The following ZNF396 variants were observed in gnomAD, a reference collection of about 807,000 sequenced individuals.
ZNF396 encodes the protein zinc finger protein 396, also known as zinc finger and SCAN domain-containing protein 14.
A neutral mutation model predicts 20.5 loss-of-function variants in ZNF396; 14 were observed. The ratio of observed to expected loss-of-function variants is 0.68; its 90% CI spans 0.45 to 1.07. The LOEUF (loss-of-function observed/expected upper bound fraction) is 1.07, where lower values mean the gene tolerates loss of function less well. Ranked by LOEUF, ZNF396 falls within the 50% of genes least tolerant of loss-of-function variation. ZNF396 has a pLI of 0.00. For synonymous variants in ZNF396, 119 were observed against 140.6 expected (o/e 0.85, Z 1.08); for missense variants, 347 against 390.1 (o/e 0.89, Z 0.93).
Position 35,373,500 on chromosome 18 carries a change from T to C in ZNF396, c.518A>G (p.Gln173Arg), listed in dbSNP as rs1043444688. 2 of 1,614,190 alleles carry C rather than the reference T, an allele frequency of 1.2e-6. No homozygotes were observed. Among genetic ancestry groups the C allele is most frequent in the Non-Finnish European group, 1.7e-6 (2 of 1,180,040 alleles). ...PSSQLMPVKK[Q>R]LQGASWELQS... ...AAGCTCCCATGATGCTCCCTGGAGCTGCTTCTTCACGGGCATGAGCTGGCT... is the reference window on the plus strand; with the variant it reads ...AAGCTCCCATGATGCTCCCTGGAGCCGCTTCTTCACGGGCATGAGCTGGCT... The change falls in exon 3 of 4, where the codon CAG becomes CGG. Residue 173 changes from glutamine to arginine, a missense_variant. Coordinates refer to ENST00000589332, the MANE Select transcript of ZNF396 (RefSeq NM_001322286.2).
intron 1 of ZNF396, among the ~76,000 whole-genome samples, chr18:35,375,208 T>A (rs542469894): frequency 4.2e-5 from 6 of 144,048 alleles, no homozygotes. Context: ...GAAGCCGAGG[T>A]GGGAGATGGG....
rs891855619 is a variant in ZNF396 at position 35,367,406 on chromosome 18, A to C, written c.*1809T>G. On this transcript the variant is annotated 3_prime_UTR_variant, in exon 4 of 4. Transcript: ENST00000589332. ...TAAGATATGGTTGGATTTTCTGAGA[A>C]TGAAATGTTTTATACTTTATGAGGA... is the stretch of plus-strand genomic sequence containing the variant. 2.0e-5 allele frequency: 3 copies of C among 152,184 alleles called. No individual in the cohort carries two copies. Among genetic ancestry groups the C allele is most frequent in the Non-Finnish European group, 4.4e-5 (3 of 68,012 alleles). The allele number at this position is 152,184 out of a possible 1,614,324, so 9.4% of individuals were successfully genotyped here. A position where few individuals can be genotyped will look rare whatever the true frequency, so the allele number is the denominator to read the frequency against.
rs774488647 is a variant in ZNF396 at position 35,369,303 on chromosome 18, T to C, written c.920A>G (p.Tyr307Cys). The C allele has an allele frequency of 6.2e-7, 1 of 1,614,250 alleles. No homozygotes were observed. Among genetic ancestry groups the C allele is most frequent in the Non-Finnish European group, 8.5e-7 (1 of 1,180,042 alleles). ...HRRTHTGEKP[Y>C]KCHDCGKAFS... ...GGCTTTGCCACAGTCATGACACTTGTAGGGCTTCTCACCAGTATGGGTTCG... is the reference window on the plus strand; with the variant it reads ...GGCTTTGCCACAGTCATGACACTTGCAGGGCTTCTCACCAGTATGGGTTCG... Residue 307 changes from tyrosine to cysteine, a missense_variant, in exon 4 of 4, where the codon TAC becomes TGC. Tyr to Cys is a radical substitution (Grantham distance 194, BLOSUM62 -2). Transcript: ENST00000589332.
At chr18:35,370,559 C>G (rs1391956606) in intron 3 of ZNF396, among the ~76,000 whole-genome samples, 1 of 119,292 alleles carries the variant, frequency 8.4e-6, no homozygotes, top group Non-Finnish European at 1.6e-5. Context: ...GTCGCCCAGG[C>G]TGGAGTGCAG....
intron 3 of ZNF396, among the ~76,000 whole-genome samples, chr18:35,370,779 C>T (rs1476251811): frequency 1.3e-5 from 2 of 151,948 alleles, no homozygotes; most frequent in Non-Finnish European, 2.9e-5. Flanking sequence ...TCCCAAAGTG[C>T]TGGGATTACA....
chr18:35,367,514 G>T lies in ZNF396; in HGVS notation c.*1701C>A, dbSNP rs1487042164. On this transcript the variant is annotated 3_prime_UTR_variant, in exon 4 of 4. Coordinates refer to ENST00000589332, the MANE Select transcript of ZNF396 (RefSeq NM_001322286.2). ...TTTCTGATGTTTGCCTCCATATTGT[G>T]TAACTGTAGCACCATGGAAAACACA... is the stretch of plus-strand genomic sequence containing the variant. 6.6e-6 allele frequency: 1 copy of T among 152,162 alleles called. No individual in the cohort carries two copies. Among genetic ancestry groups the T allele is most frequent in the African/African-American group, 2.4e-5 (1 of 41,442 alleles). The allele number at this position is 152,162 out of a possible 1,614,324, so 9.4% of individuals were successfully genotyped here.
intron 1 of ZNF396, among the ~76,000 whole-genome samples, chr18:35,376,920 G>A (rs1033099435): frequency 2.6e-5 from 4 of 152,092 alleles, no homozygotes; most frequent in African/African-American, 7.2e-5. Flanking sequence ...GTGGTGGGCC[G>A]GCTCTGGGAG....
At position 35,369,226 on chromosome 18, in the gene ZNF396, T is replaced by C. The variant is rs1371462545; in HGVS notation, c.997A>G (p.Lys333Glu). 1.3e-6 allele frequency: 2 copies of C among 1,577,074 alleles called. No individual in the cohort carries two copies. Among genetic ancestry groups the C allele is most frequent in the African/African-American group, 2.7e-5 (2 of 73,388 alleles). ...TTCCCTCATGATACTTATGGGACTT[T>C]TTTTCTAATGTGTCTTTTCCTATGT... ...FRHRKRHIRK[K>E]VP Residue 333 changes from lysine to glutamate, a missense_variant, in exon 4 of 4, where the codon AAA (lysine) becomes GAA (glutamate). By Grantham distance (56) the Lys-to-Glu change is moderately conservative. Transcript: ENST00000589332.
chr18:35,373,953 T>C lies in ZNF396; in HGVS notation c.340A>G (p.Lys114Glu), dbSNP rs1567956573. 1 of 1,614,208 alleles carries C rather than the reference T, an allele frequency of 6.2e-7. No homozygotes were observed. The change falls in exon 2 of 4, where the codon AAG (lysine) becomes GAG (glutamate). Residue 114 changes from lysine (K) to glutamate (E), a missense_variant. Transcript: ENST00000589332. ...LPKELQAWVQ[K>E]HHPENGEETV... ...TCCTCTCCATTCTCTGGATGATGCT[T>C]CTGCACCCAGGCCTGAAGCTCTTTT... is the stretch of plus-strand genomic sequence containing the variant.
intron 3 of ZNF396, chr18:35,371,676 G>T (rs937706087): frequency 6.6e-6 from 1 of 152,124 alleles, no homozygotes; most frequent in African/African-American, 2.4e-5. Flanking sequence ...ATTAATCCAT[G>T]AATGAGTTAA....
In ZNF396 at chr18:35,373,454, A is replaced by C. The variant is rs765914136; in HGVS notation, c.562+2T>G. Reference sequence around the variant, plus strand: ...AACATGAACTGAATCCTGCCCCCTCACCATGTGGTCTTAAGGACTGAAGCT... The same window carrying C: ...AACATGAACTGAATCCTGCCCCCTCCCCATGTGGTCTTAAGGACTGAAGCT... On this transcript the variant is annotated splice_donor_variant, in intron 3 of 3. Transcript: ENST00000589332. LOFTEE classifies it high-confidence loss of function. 2.8e-5 allele frequency: 45 copies of C among 1,613,090 alleles called. 2 individuals are homozygous for C. The South Asian group carries it at 4.7e-4, about 17-fold the overall frequency.
rs1328449364 is a variant in ZNF396, at chr18:35,368,227, A to T, written c.*988T>A. ...TCCTTGTAGACAAGCAGTCATTTTCATGTTTCCATTGACTTATTTCCAAAT... is the reference window on the plus strand; with the variant it reads ...TCCTTGTAGACAAGCAGTCATTTTCTTGTTTCCATTGACTTATTTCCAAAT... On this transcript the variant is annotated 3_prime_UTR_variant, in exon 4 of 4. Coordinates refer to ENST00000589332, the MANE Select transcript of ZNF396 (RefSeq NM_001322286.2). 2.3e-6 allele frequency: 1 copy of T among 440,696 alleles called. No individual in the cohort carries two copies. The highest frequency in any genetic ancestry group is 2.0e-5 in the African/African-American group (1 of 48,862). The allele number at this position is 440,696 out of a possible 1,614,324, so 27.3% of individuals were successfully genotyped here. A position where few individuals can be genotyped will look rare whatever the true frequency, so the allele number is the denominator to read the frequency against.
At chr18:35,371,259 T>A (rs1156393871) in intron 3 of ZNF396, among the ~76,000 whole-genome samples, 1 of 152,212 alleles carries the variant, frequency 6.6e-6, no homozygotes, top group Non-Finnish European at 1.5e-5. Flanking sequence ...CTGTGCCGTG[T>A]TCTCTTTCTT....
At chr18:35,376,965 C>CCGCCG (rs1555631567) in intron 1 of ZNF396, among the ~76,000 whole-genome samples, 3 of 152,120 alleles carry the variant, frequency 2.0e-5, no homozygotes, top group African/African-American at 7.2e-5. Flanking sequence ...CCTCCCGCGC[C>CCGCCG]CACCGCGCCG....
In ZNF396 at chr18:35,374,296, G is replaced by T; in HGVS notation, c.-4C>A. Reference sequence around the variant, plus strand: ...ACTTTCCCAATTTTGCAGACATTTTGACAGACAAATAGCTCAGTACTGTTA... The same window carrying T: ...ACTTTCCCAATTTTGCAGACATTTTTACAGACAAATAGCTCAGTACTGTTA... On this transcript the variant is annotated 5_prime_UTR_variant, in exon 2 of 4. Coordinates refer to ENST00000589332, the MANE Select transcript of ZNF396 (RefSeq NM_001322286.2). This position sits in a 1 kb window ranked among gnomAD's most constrained non-coding sequence, Gnocchi z 4.3. The T allele has an allele frequency of 1.9e-6, 3 of 1,611,984 alleles. No homozygotes were observed. The highest frequency in any genetic ancestry group is 2.2e-5 in the South Asian group (2 of 90,940).
chr18:35,370,822 A>G (rs2045169621), intron 3 of ZNF396, among the ~76,000 whole-genome samples: 1 of 152,196 alleles, frequency 6.6e-6, no homozygotes, highest in Non-Finnish European at 1.5e-5. Context: ...CCATGGTGGC[A>G]TTTTAACTGA....
At position 35,369,278 on chromosome 18, in the gene ZNF396, G is replaced by A. The variant is rs746772415; in HGVS notation, c.945C>T (p.Ala315=). ...KPYKCHDCGK[A]FSQSSNLFRH... ...TAAAAAGATTTGAGCTCTGACTAAAGGCTTTGCCACAGTCATGACACTTGT... is the reference window on the plus strand; with the variant it reads ...TAAAAAGATTTGAGCTCTGACTAAAAGCTTTGCCACAGTCATGACACTTGT... Residue 315 remains alanine, a synonymous_variant, in exon 4 of 4, where the codon GCC becomes GCT. Coordinates refer to ENST00000589332, the MANE Select transcript of ZNF396 (RefSeq NM_001322286.2). The A allele has an allele frequency of 1.9e-6, 3 of 1,613,868 alleles. No individual in the cohort carries two copies. In the South Asian group the frequency reaches 3.3e-5, roughly 18 times the overall value.
rs1278469567 is a variant in ZNF396, at chr18:35,374,262, G to C, written c.31C>G (p.Leu11Val). 2 of 1,614,082 alleles carry C rather than the reference G, an allele frequency of 1.2e-6. No homozygotes were observed. Among genetic ancestry groups the C allele is most frequent in the South Asian group, 2.2e-5 (2 of 91,082 alleles). The stretch of plus-strand genomic sequence containing the variant: ...CACTCCTCTGAAGTTTGTGTTAGGA[G>C]TGATGATGACTTTCCCAATTTTGCA... MSAKLGKSSS[L>V]LTQTSEECNG... The change falls in exon 2 of 4, where the codon CTC (leucine) becomes GTC (valine). Residue 11 changes from leucine (L) to valine (V), a missense_variant. By Grantham distance (32) the Leu-to-Val change is conservative. Transcript: ENST00000589332. This position sits in a 1 kb window ranked among gnomAD's most constrained non-coding sequence, Gnocchi z 4.3.
rs751142511 is a variant in ZNF396 at position 35,369,449 on chromosome 18, T to G, written c.774A>C (p.Lys258Asn). The G allele has an allele frequency of 6.2e-7, 1 of 1,614,226 alleles. No individual in the cohort carries two copies. Among genetic ancestry groups the G allele is most frequent in the Non-Finnish European group, 8.5e-7 (1 of 1,180,030 alleles). Residue 258 changes from lysine (K) to asparagine (N), a missense_variant, in exon 4 of 4, where the codon AAA (lysine) becomes AAC (asparagine). Coordinates refer to ENST00000589332, the MANE Select transcript of ZNF396 (RefSeq NM_001322286.2). The part of the protein sequence containing the change: ...KKQQKCDECG[K>N]IFSQSSALIL... ...TAAGGGCTGAGCTCTGACTAAAGATTTTGCCACATTCATCACATTTCTGTT... is the reference window on the plus strand; with the variant it reads ...TAAGGGCTGAGCTCTGACTAAAGATGTTGCCACATTCATCACATTTCTGTT...
Sources: gnomAD v4.1 joint callset for allele counts (sites outside exome capture counted in the v4.1 genomes callset) on GRCh38, gnomAD v4.1.1 for gene constraint, Gnocchi (gnomAD v3.1) non-coding constraint, MANE v1.5 for transcripts, NCBI Gene and HGNC (gene_info 2026-07-23, HGNC 2026-07-21) for gene names.